The following ZMYND11 variants were observed in gnomAD, a reference collection of about 807,000 sequenced individuals.
ZMYND11 encodes zinc finger MYND domain-containing protein 11.
Under a neutral mutation model 84.9 loss-of-function variants are expected in ZMYND11, and 9 were observed. That is an observed-to-expected ratio of 0.11 (90% CI 0.06 to 0.18). The LOEUF (loss-of-function observed/expected upper bound fraction) is 0.18. Ranked by LOEUF, ZMYND11 falls within the 10% of genes least tolerant of loss-of-function variation. ZMYND11 has a pLI of 1.00. For synonymous variants in ZMYND11, 250 were observed against 244.1 expected, an observed-to-expected ratio of 1.02 and a Z score of -0.23; for missense variants, 409 against 761.0, an observed-to-expected ratio of 0.54 and a Z score of 5.44.
intron 1 of ZMYND11, among the ~76,000 whole-genome samples, chr10:164,998 AAT>A (rs1409578102): frequency 6.6e-6 from 1 of 152,134 alleles, no homozygotes; most frequent in Non-Finnish European, 1.5e-5. Context: ...AAATTTAAAT[AAT>A]CCTAGACCTT....
chr10:251,575 A>T (rs1438011473), intron 14 of ZMYND11, among the ~76,000 whole-genome samples: 1 of 152,216 alleles, frequency 6.6e-6, no homozygotes, highest in Non-Finnish European at 1.5e-5. Context: ...GTTTGTTTAC[A>T]TCCAGAAGGT....
At chr10:168,581 C>CA (rs34612344) in intron 1 of ZMYND11, among the ~76,000 whole-genome samples, 72 of 152,202 alleles carry the variant, frequency 4.7e-4, no homozygotes, top group South Asian at 1.0e-3. Flanking sequence ...ATGCCACATT[C>CA]AAAAAGTGAT....
Position 253,515 on chromosome 10 carries a change from A to G in ZMYND11, c.*1045A>G, listed in dbSNP as rs753212467. 7.2e-5 allele frequency: 11 copies of G among 152,680 alleles called. No homozygotes were observed. The highest frequency in any genetic ancestry group is 1.5e-4 in the Non-Finnish European group (10 of 68,042). 9.5% of individuals were successfully genotyped at this position (152,680 alleles called of 1,614,324 possible). ...ATGCATGTTAATTTTCTTGTATTAA[A>G]GATGCCGTGATTTGTAAAAAGTCTG... On this transcript the variant is annotated 3_prime_UTR_variant, in exon 15 of 15. Coordinates refer to ENST00000381604, the MANE Select transcript of ZMYND11 (RefSeq NM_001370100.5).
At position 242,848 on chromosome 10, in the gene ZMYND11, T is replaced by C. The variant is rs376365009; in HGVS notation, c.950+709T>C. ...TTTAATTTAAACAGAAGTGTAGTTATAAGAAACCTATAAATACTGTAAATT... is the reference window on the plus strand; with the variant it reads ...TTTAATTTAAACAGAAGTGTAGTTACAAGAAACCTATAAATACTGTAAATT... On this transcript the variant is annotated intron_variant, in intron 10 of 14. Transcript: ENST00000381604. Among the ~76,000 whole-genome samples the C allele has an allele frequency of 2.4e-4, 37 of 152,248 alleles. No homozygotes were observed. The East Asian group carries it at 6.4e-3, about 26-fold the overall frequency.
Position 183,195 on chromosome 10 carries a change from C to T in ZMYND11, c.116+3067C>T, listed in dbSNP as rs540796953. Among the ~76,000 whole-genome samples the T allele has an allele frequency of 2.0e-5, 3 of 149,716 alleles. No homozygotes were observed. In the East Asian group the frequency reaches 5.9e-4, roughly 29 times the overall value. ...TTGTGCTTGCTTTTGTTCTTTTAAT[C>T]TCTAGGTTTCTCTTCTTTTTTGTTG... On this transcript the variant is annotated intron_variant, in intron 2 of 14. Coordinates refer to ENST00000381604, the MANE Select transcript of ZMYND11 (RefSeq NM_001370100.5).
At chr10:251,730 C>T (rs1488148578) in intron 14 of ZMYND11, among the ~76,000 whole-genome samples, 1 of 152,164 alleles carries the variant, frequency 6.6e-6, no homozygotes, top group Non-Finnish European at 1.5e-5. Context: ...TGGACCCTTG[C>T]ACTAGAACAT....
intron 2 of ZMYND11, among the ~76,000 whole-genome samples, chr10:205,383 A>G (rs1943941844): frequency 6.6e-6 from 1 of 151,766 alleles, no homozygotes; most frequent in African/African-American, 2.4e-5. Context: ...TACCTCTTTT[A>G]TTTTTCCCTA....
chr10:177,023 C>A (rs967617965), intron 1 of ZMYND11, among the ~76,000 whole-genome samples: 1 of 152,116 alleles, frequency 6.6e-6, no homozygotes, highest in Non-Finnish European at 1.5e-5. Flanking sequence ...GATGAACACT[C>A]AAATTGCTGT....
chr10:189,012 G>A (rs1393764244), intron 2 of ZMYND11, among the ~76,000 whole-genome samples: 1 of 152,214 alleles, frequency 6.6e-6, no homozygotes, highest in Non-Finnish European at 1.5e-5. Flanking sequence ...TGAGTAGTAT[G>A]ATTAAACTAG....
chr10:202,496 A>G (rs1352626560), intron 2 of ZMYND11, among the ~76,000 whole-genome samples: 1 of 152,166 alleles, frequency 6.6e-6, no homozygotes, highest in Non-Finnish European at 1.5e-5. Flanking sequence ...TAGATCAGTT[A>G]TTCTTTATTC....
chr10:164,897 T>A (rs1176063778), intron 1 of ZMYND11, among the ~76,000 whole-genome samples: 1 of 152,110 alleles, frequency 6.6e-6, no homozygotes, highest in Admixed American at 6.6e-5. Flanking sequence ...AGTGATTGGC[T>A]TAGGGTGGCA....
At chr10:134,451 A>G (rs1588310570), upstream of ZMYND11, 1 of 152,244 alleles carries the variant, frequency 6.6e-6, no homozygotes, top group African/African-American at 2.4e-5. Flanking sequence ...ATTCCTCTCC[A>G]TAGAAGATAA....
chr10:203,121 A>G (rs1943524905), intron 2 of ZMYND11, among the ~76,000 whole-genome samples: 1 of 152,212 alleles, frequency 6.6e-6, no homozygotes, highest in Admixed American at 6.5e-5. Flanking sequence ...AGTCATGTTT[A>G]ATGGTGAACT....
At chr10:194,629 A>G (rs994362969) in intron 2 of ZMYND11, among the ~76,000 whole-genome samples, 1 of 152,200 alleles carries the variant, frequency 6.6e-6, no homozygotes, top group African/African-American at 2.4e-5. Context: ...GATTTATACT[A>G]GCATCTCATG....
chr10:139,302 A>C (rs900243144), intron 1 of ZMYND11, among the ~76,000 whole-genome samples: 1 of 152,198 alleles, frequency 6.6e-6, no homozygotes, highest in African/African-American at 2.4e-5. Context: ...AAGCAGATAG[A>C]CTTTCTGAAT....
chr10:194,026 C>G (rs529678021), intron 2 of ZMYND11, among the ~76,000 whole-genome samples: 1 of 152,144 alleles, frequency 6.6e-6, no homozygotes, highest in South Asian at 2.1e-4. Flanking sequence ...ACCCTGTTAA[C>G]CAGGATGGAG....
chr10:153,343 ATC>A (rs1234977209), intron 1 of ZMYND11, among the ~76,000 whole-genome samples: 2 of 152,182 alleles, frequency 1.3e-5, no homozygotes, highest in African/African-American at 4.8e-5. Flanking sequence ...TTAACATATC[ATC>A]TGTTTCTTCA....
chr10:211,539 C>A (rs898025030), intron 3 of ZMYND11, among the ~76,000 whole-genome samples: 4 of 152,088 alleles, frequency 2.6e-5, no homozygotes, highest in African/African-American at 9.7e-5. Context: ...CTAGCAAGTG[C>A]CTGTGGGGAG....
rs1453890533 is a variant in ZMYND11 at position 180,462 on chromosome 10, C to T, written c.116+334C>T. Among the ~76,000 whole-genome samples the T allele has an allele frequency of 3.9e-5, 6 of 152,070 alleles. No individual in the cohort carries two copies. The East Asian group carries it at 5.8e-4, about 15-fold the overall frequency. On this transcript the variant is annotated intron_variant, in intron 2 of 14. Transcript: ENST00000381604. ...TTGCCCAGGCTGGAGTGTGGTGACC[C>T]GATCTCAGCTCATGGCAACCTCCGC... is the stretch of plus-strand genomic sequence containing the variant.
Sources: gnomAD v4.1 joint callset for allele counts (sites outside exome capture counted in the v4.1 genomes callset) on GRCh38, gnomAD v4.1.1 for gene constraint, MANE v1.5 for transcripts, NCBI Gene and HGNC (gene_info 2026-07-23, HGNC 2026-07-21) for gene names.